POLE: variants seen among roughly 807,000 people sequenced by gnomAD.
POLE encodes DNA polymerase epsilon, catalytic subunit.
Under a neutral mutation model 279.2 loss-of-function variants are expected in POLE, and 188 were observed. The observed-to-expected ratio is 0.67, with a 90% CI of 0.60 to 0.76. The LOEUF is 0.76. POLE is among the 30% of genes least tolerant of loss of function. POLE has a pLI of 0.00. For missense variants in POLE, 2,703 were observed against 3,016.7 expected, an observed-to-expected ratio of 0.90 and a Z score of 2.44; for synonymous variants, 1,214 against 1,172.5, an observed-to-expected ratio of 1.04 and a Z score of -0.72.
chr12:132,685,111 T>G, intron 1 of POLE, among the ~76,000 whole-genome samples: 1 of 111,090 alleles, frequency 9.0e-6, no homozygotes, highest in Non-Finnish European at 2.0e-5. Flanking sequence ...ACCGTCCCAG[T>G]ACTCCACACA....
chr12:132,633,162 CTTTT>C (rs35854836), intron 43 of POLE: 92 of 146,146 alleles, frequency 6.3e-4, no homozygotes, highest in South Asian at 1.8e-3. Flanking sequence ...GGCACTTACC[CTTTT>C]TTTTTTTTTT....
intron 38 of POLE, 36 bp downstream of exon 38, chr12:132,642,141 C>G (rs2042158680): frequency 6.8e-7 from 1 of 1,466,152 alleles, no homozygotes; most frequent in African/African-American, 1.4e-5. Context: ...GAAACACCAG[C>G]CAGGTCTCAT....
In POLE at chr12:132,661,909, C is replaced by T. The variant is rs935251172; in HGVS notation, c.2707-225G>A. On this transcript the variant is annotated intron_variant, in intron 23 of 48. Transcript: ENST00000320574. The surrounding 1 kb of genome is among the most constrained non-coding windows in gnomAD (Gnocchi z 4.1). Reference sequence around the variant, plus strand: ...AAGCCAGACCCAAAATGCTACAGGCCGTATGCTTCCCTTTACATGACATTT... The same window carrying T: ...AAGCCAGACCCAAAATGCTACAGGCTGTATGCTTCCCTTTACATGACATTT... Among the ~76,000 whole-genome samples the T allele has an allele frequency of 7.9e-5, 12 of 152,180 alleles. No individual in the cohort carries two copies. Among genetic ancestry groups the T allele is most frequent in the African/African-American group, 2.4e-4 (10 of 41,448 alleles).
chr12:132,642,426 G>A (rs779594022), intron 37 of POLE, 29 bp from the exon 38 acceptor site: 1 of 1,592,280 alleles, frequency 6.3e-7, no homozygotes, highest in South Asian at 1.1e-5. Context: ...CAGCACCGGG[G>A]CACATCGCCG....
rs2041783808 is a variant in POLE, at chr12:132,624,261, C to A, written c.*436G>T. Reference sequence around the variant, plus strand: ...TCCAGCCCCACCAGGGCCTTGGGAACCCGTCTCGTCTCAGAGCCCAATCTC... The same window carrying A: ...TCCAGCCCCACCAGGGCCTTGGGAAACCGTCTCGTCTCAGAGCCCAATCTC... On this transcript the variant is annotated 3_prime_UTR_variant, in exon 49 of 49. Transcript: ENST00000320574. 1.6e-5 allele frequency: 4 copies of A among 256,944 alleles called. No homozygotes were observed. In the South Asian group the frequency reaches 4.4e-4, roughly 28 times the overall value. 15.9% of individuals were successfully genotyped at this position (256,944 alleles called of 1,614,324 possible). A position where few individuals can be genotyped will look rare whatever the true frequency, so the allele number is the denominator to read the frequency against.
chr12:132,659,070 T>C (rs2042617926), intron 26 of POLE, among the ~76,000 whole-genome samples: 1 of 152,192 alleles, frequency 6.6e-6, no homozygotes, highest in Non-Finnish European at 1.5e-5. Flanking sequence ...TCTCATTCCC[T>C]ACAAAATGGC....
intron 1 of POLE, among the ~76,000 whole-genome samples, chr12:132,683,105 C>G (rs913603026): frequency 6.6e-6 from 1 of 152,162 alleles, no homozygotes; most frequent in Admixed American, 6.5e-5. Context: ...ATTATAACCA[C>G]TTGTGGTAGG....
Position 132,681,243 on chromosome 12 carries a change from C to T in POLE, c.99G>A (p.Lys33=), listed in dbSNP as rs1270401168. 2 of 1,614,222 alleles carry T rather than the reference C, an allele frequency of 1.2e-6. No homozygotes were observed. The highest frequency in any genetic ancestry group is 1.3e-5 in the African/African-American group (1 of 75,070). Residue 33 remains lysine (K), a synonymous_variant, in exon 2 of 49, where the codon AAG becomes AAA. Coordinates refer to ENST00000320574, the MANE Select transcript of POLE (RefSeq NM_006231.4). ...CCGTCCACTGACTCCGTTCCAGGCG[C>T]TTGAGTGCCGAAACTGAGGAAGTGG... ...DGATSSVSAL[K]RLERSQWTDK...
chr12:132,641,165 A>G (rs2042132685), intron 39 of POLE: 2 of 429,114 alleles, frequency 4.7e-6, no homozygotes, highest in South Asian at 1.7e-5. Flanking sequence ...CTCCTGGTAC[A>G]CAGCAAGCAT....
chr12:132,664,593 AC>A lies in POLE; in HGVS notation c.2469-132del. 1.4e-6 allele frequency: 1 copy of A among 707,792 alleles called. No homozygotes were observed. Among genetic ancestry groups the A allele is most frequent in the Non-Finnish European group, 2.5e-6 (1 of 398,874 alleles). The allele number at this position is 707,792 out of a possible 1,614,324, so 43.8% of individuals were successfully genotyped here. ...AAGGGAAGCAGCCAAATGTGCGTGC[AC>A]CAGGACAGAACTAAGGTGGAATCTG... On this transcript the variant is annotated intron_variant, in intron 21 of 48. Transcript: ENST00000320574. The surrounding 1 kb of genome is among the most constrained non-coding windows in gnomAD (Gnocchi z 5.3).
intron 1 of POLE, 55 bp downstream of exon 1, chr12:132,687,199 C>A (rs1445353767): frequency 6.5e-6 from 8 of 1,235,576 alleles, no homozygotes; most frequent in African/African-American, 1.6e-5. Context: ...CCGAGGACGG[C>A]CCCATGGCAC....
At chr12:132,674,843 TTCCC>T (rs1442417351) in intron 12 of POLE, among the ~76,000 whole-genome samples, 1 of 133,808 alleles carries the variant, frequency 7.5e-6, no homozygotes, top group Non-Finnish European at 1.6e-5. Flanking sequence ...CTTCCCTTCC[TTCCC>T]TCCCTCCCTT....
At chr12:132,642,073 G>C in intron 38 of POLE, 104 bp downstream of exon 38, 1 of 1,136,560 alleles carries the variant, frequency 8.8e-7, no homozygotes, top group Non-Finnish European at 1.3e-6. Flanking sequence ...GACCTGCGCG[G>C]TCGAACTCTG....
intron 20 of POLE, among the ~76,000 whole-genome samples, 154 bp from the exon 21 acceptor site, chr12:132,665,604 C>A (rs1367248088): frequency 6.6e-6 from 1 of 152,172 alleles, no homozygotes; most frequent in East Asian, 1.9e-4. Context: ...TTCTCCTAGA[C>A]TGGCCAACTG....
intron 26 of POLE, 47 bp downstream of exon 26, chr12:132,659,248 C>T (rs5744860): frequency 1.5e-5 from 24 of 1,582,788 alleles, no homozygotes; most frequent in Middle Eastern, 1.8e-4. Flanking sequence ...CTCACCTGTC[C>T]GTGATGGGAG....
In POLE at chr12:132,664,628, C is replaced by G. The variant is rs1009076572; in HGVS notation, c.2469-166G>C. ...AACTAAGGTGGAATCTGGCTCTGCC[C>G]GAGGACACCTCTCTGTCCCCACCTT... On this transcript the variant is annotated intron_variant, in intron 21 of 48. Transcript: ENST00000320574. This position sits in a 1 kb window ranked among gnomAD's most constrained non-coding sequence, Gnocchi z 5.3. 6.6e-6 allele frequency among the ~76,000 whole-genome samples: 1 copy of G among 152,134 alleles called. No individual in the cohort carries two copies. The highest frequency in any genetic ancestry group is 2.4e-5 in the African/African-American group (1 of 41,420).
In POLE at chr12:132,659,354, T is replaced by G; in HGVS notation, c.3216A>C (p.Ala1072=). 1 of 1,614,166 alleles carries G rather than the reference T, an allele frequency of 6.2e-7. No individual in the cohort carries two copies. Among genetic ancestry groups the G allele is most frequent in the South Asian group, 1.1e-5 (1 of 91,090 alleles). ...AGATGATGTAGCGGCAACTCAGCCC[T>G]GCATCCTTGACCATCTGGTCTCCCA... ...EFLGDQMVKD[A]GLSCRYIISR... is the part of the protein sequence containing the mutation. Residue 1072 remains alanine, a synonymous_variant, in exon 26 of 49, where the codon GCA becomes GCC. Transcript: ENST00000320574.
chr12:132,669,168 T>TA (rs933408327), intron 16 of POLE, among the ~76,000 whole-genome samples: 19 of 152,068 alleles, frequency 1.2e-4, no homozygotes, highest in Admixed American at 3.9e-4. Context: ...TCCTTAGTAT[T>TA]AAAAAAAATC....
At chr12:132,659,214 C>T in intron 26 of POLE, 81 bp downstream of exon 26, 13 of 1,424,924 alleles carry the variant, frequency 9.1e-6, no homozygotes, top group Non-Finnish European at 1.1e-5. Context: ...GGGGAGCCCT[C>T]ACCTCTCCGT....
Sources: allele counts gnomAD v4.1 joint callset (sites outside exome capture counted in the v4.1 genomes callset), GRCh38; gene constraint gnomAD v4.1.1; non-coding constraint Gnocchi (gnomAD v3.1); transcripts MANE v1.5; gene names NCBI Gene and HGNC (gene_info 2026-07-23, HGNC 2026-07-21).